FCAR: variants seen among roughly 807,000 people sequenced by gnomAD.
The protein encoded by FCAR is Fc alpha receptor.
Under a neutral mutation model 27.1 loss-of-function variants are expected in FCAR, and 21 were observed. That is an observed-to-expected ratio of 0.77 (90% CI 0.55 to 1.11). The LOEUF (loss-of-function observed/expected upper bound fraction) is 1.11. Ranked by LOEUF, FCAR falls within the 50% of genes most tolerant of loss-of-function variation. The pLI is 0.00. For synonymous variants in FCAR, 134 were observed against 135.8 expected, an observed-to-expected ratio of 0.99 and a Z score of 0.09; for missense variants, 404 against 358.4, an observed-to-expected ratio of 1.13 and a Z score of -1.03.
At chr19:54,877,336 A>C (rs587709770) in intron 2 of FCAR, among the ~76,000 whole-genome samples, 1 of 152,066 alleles carries the variant, frequency 6.6e-6, no homozygotes, top group Non-Finnish European at 1.5e-5. Context: ...AGGAGGGTGT[A>C]TGTGTCCAGG....
At chr19:54,887,728 C>T (rs901764411) in intron 3 of FCAR, among the ~76,000 whole-genome samples, 1 of 151,546 alleles carries the variant, frequency 6.6e-6, no homozygotes, top group Non-Finnish European at 1.5e-5. Context: ...ACCAGCCTGA[C>T]CAACATGGAG....
rs1865096 is a variant in FCAR at position 54,885,488 on chromosome 19, G to A, written c.324G>A (p.Arg108=). Reference sequence around the variant, plus strand: ...GCCAATATAGGATAGGGCACTACAGGTTCCGGTACAGTGACACCCTGGAGC... The same window carrying A: ...GCCAATATAGGATAGGGCACTACAGATTCCGGTACAGTGACACCCTGGAGC... ...YQCQYRIGHY[R]FRYSDTLELV... Residue 108 remains arginine, a synonymous_variant, in exon 3 of 5, where the codon AGG becomes AGA. Transcript: ENST00000355524. 0.28 allele frequency: 458,116 copies of A among 1,613,096 alleles called. 67,793 individuals carry two copies. The highest frequency in any genetic ancestry group is 0.46 in the Admixed American group (27,613 of 59,970).
chr19:54,881,824 T>G (rs1034434507), intron 2 of FCAR, among the ~76,000 whole-genome samples: 3 of 148,496 alleles, frequency 2.0e-5, no homozygotes, highest in Non-Finnish European at 4.5e-5. Flanking sequence ...CAGCTTGCAG[T>G]GAGCCGAGAT....
chr19:54,877,406 T>C (rs1272628850), intron 2 of FCAR, among the ~76,000 whole-genome samples: 14 of 152,216 alleles, frequency 9.2e-5, no homozygotes, highest in Admixed American at 9.2e-4. Flanking sequence ...CATAATATTC[T>C]CTGATGATTG....
intron 2 of FCAR, among the ~76,000 whole-genome samples, chr19:54,878,411 T>G (rs1273495100): frequency 6.6e-6 from 1 of 152,170 alleles, no homozygotes; most frequent in African/African-American, 2.4e-5. Context: ...GTCGGCGGGA[T>G]GTTAAAGTCT....
At chr19:54,885,663 C>A in intron 3 of FCAR, 138 bp downstream of exon 3, 2 of 629,826 alleles carry the variant, frequency 3.2e-6, no homozygotes, top group Non-Finnish European at 2.7e-6. Flanking sequence ...ATCTGGCACC[C>A]CACTTCCCCC....
intron 2 of FCAR, among the ~76,000 whole-genome samples, chr19:54,876,877 C>T (rs1288321979): frequency 2.0e-5 from 3 of 152,198 alleles, no homozygotes; most frequent in Non-Finnish European, 4.4e-5. Flanking sequence ...GCCAAGTTCA[C>T]GCCACTACAC....
At chr19:54,876,175 T>C (rs2066079661) in intron 2 of FCAR, among the ~76,000 whole-genome samples, 1 of 152,256 alleles carries the variant, frequency 6.6e-6, no homozygotes, top group African/African-American at 2.4e-5. Flanking sequence ...TTTTATATAT[T>C]GATTTTGTAT....
At chr19:54,877,919 G>GTT (rs60830828) in intron 2 of FCAR, among the ~76,000 whole-genome samples, 215 of 141,522 alleles carry the variant, frequency 1.5e-3, no homozygotes, top group African/African-American at 5.0e-3. Flanking sequence ...GCTAAGGATT[G>GTT]TTTTTTTTTT....
intron 2 of FCAR, among the ~76,000 whole-genome samples, chr19:54,879,279 A>G (rs141094759): frequency 6.6e-6 from 1 of 152,200 alleles, no homozygotes; most frequent in Non-Finnish European, 1.5e-5. Flanking sequence ...TTTTCCTGTC[A>G]TCATGTTGTT....
chr19:54,878,704 G>T, intron 2 of FCAR, among the ~76,000 whole-genome samples: 1 of 144,956 alleles, frequency 6.9e-6, no homozygotes, highest in African/African-American at 2.6e-5. Flanking sequence ...TTTGATCTTT[G>T]TTGGTATAAA....
At chr19:54,886,066 G>A (rs1277938964) in intron 3 of FCAR, among the ~76,000 whole-genome samples, 1 of 152,080 alleles carries the variant, frequency 6.6e-6, no homozygotes, top group Non-Finnish European at 1.5e-5. Context: ...GGCCAACACA[G>A]TGAAACCTCG....
chr19:54,883,804 A>C (rs1264130598), intron 2 of FCAR, among the ~76,000 whole-genome samples: 1 of 152,054 alleles, frequency 6.6e-6, no homozygotes, highest in Non-Finnish European at 1.5e-5. Flanking sequence ...AATACAAAAA[A>C]AAATTAGCCA....
chr19:54,879,094 G>A (rs2066270391), intron 2 of FCAR, among the ~76,000 whole-genome samples: 1 of 151,360 alleles, frequency 6.6e-6, no homozygotes. Context: ...CCAGGCTAAT[G>A]TCGAACTCCT....
chr19:54,888,250 A>G lies in FCAR; in HGVS notation c.605A>G (p.Tyr202Cys). Residue 202 changes from tyrosine (Y) to cysteine (C), a missense_variant, in exon 4 of 5, where the codon TAC becomes TGC. Tyr to Cys is a radical substitution (Grantham distance 194). Transcript: ENST00000355524. The stretch of plus-strand genomic sequence containing the variant: ...TACGGTTGGTACAACAGGAGCCCCT[A>G]CCTGTGGTCCTTCCCCAGTAATGCC... ...RCYGWYNRSP[Y>C]LWSFPSNALE... 1 of 1,614,174 alleles carries G rather than the reference A, an allele frequency of 6.2e-7. No individual in the cohort carries two copies. Among genetic ancestry groups the G allele is most frequent in the Non-Finnish European group, 8.5e-7 (1 of 1,180,024 alleles).
intron 1 of FCAR, among the ~76,000 whole-genome samples, chr19:54,874,619 T>C (rs1013017766): frequency 6.6e-6 from 1 of 152,106 alleles, no homozygotes; most frequent in African/African-American, 2.4e-5. Flanking sequence ...ATCTGAAAGG[T>C]AAAAATAAAG....
intron 2 of FCAR, among the ~76,000 whole-genome samples, chr19:54,880,547 C>T (rs963529962): frequency 1.3e-5 from 2 of 152,138 alleles, no homozygotes; most frequent in African/African-American, 4.8e-5. Flanking sequence ...AATTCTATTT[C>T]TGTCATTTCA....
At chr19:54,882,264 A>G (rs946205645) in intron 2 of FCAR, among the ~76,000 whole-genome samples, 2 of 152,186 alleles carry the variant, frequency 1.3e-5, no homozygotes, top group African/African-American at 4.8e-5. Context: ...TGTCCCCACC[A>G]TGGACCCCTT....
chr19:54,886,456 C>T (rs1326452125), intron 3 of FCAR, among the ~76,000 whole-genome samples: 9 of 151,598 alleles, frequency 5.9e-5, no homozygotes, highest in South Asian at 2.1e-4. Context: ...TACAGGCGCC[C>T]GCCACCACGC....
Sources: allele counts gnomAD v4.1 joint callset (sites outside exome capture counted in the v4.1 genomes callset), GRCh38; gene constraint gnomAD v4.1.1; transcripts MANE v1.5; gene names NCBI Gene and HGNC (gene_info 2026-07-23, HGNC 2026-07-21).